Variants in TMTC2 observed in about 807,000 individuals in gnomAD.
The protein encoded by TMTC2 is transmembrane O-mannosyltransferase targeting cadherins 2.
Under a neutral mutation model 82.4 loss-of-function variants are expected in TMTC2, and 43 were observed. The observed-to-expected ratio is 0.52, with a 90% CI of 0.41 to 0.67. TMTC2 has a LOEUF of 0.67. TMTC2 is among the 30% of genes least tolerant of loss of function. TMTC2 has a pLI of 0.00. For missense variants in TMTC2, 919 were observed against 1,012.4 expected (o/e 0.91, Z 1.25); for synonymous variants, 408 against 381.9 (o/e 1.07, Z -0.80).
intron 1 of TMTC2, among the ~76,000 whole-genome samples, chr12:82,780,804 TTTTG>T (rs1020374984): frequency 2.1e-4 from 23 of 109,920 alleles, no homozygotes; most frequent in African/African-American, 7.5e-4. Flanking sequence ...ATGTAAGAAG[TTTTG>T]TTTTTTTTTT....
intron 11 of TMTC2, among the ~76,000 whole-genome samples, chr12:83,090,909 A>G (rs903762884): frequency 6.6e-6 from 1 of 152,226 alleles, no homozygotes; most frequent in Non-Finnish European, 1.5e-5. Context: ...GCCTTAACAT[A>G]CTGTGACTGT....
intron 2 of TMTC2, among the ~76,000 whole-genome samples, chr12:82,876,214 G>A (rs1478850343): frequency 6.7e-6 from 1 of 150,094 alleles, no homozygotes; most frequent in Non-Finnish European, 1.5e-5. Flanking sequence ...TTACCTTCCA[G>A]GTGGATATGA....
At chr12:83,071,152 T>G (rs201813258) in intron 11 of TMTC2, among the ~76,000 whole-genome samples, 2 of 105,068 alleles carry the variant, frequency 1.9e-5, no homozygotes, top group African/African-American at 4.0e-5. Flanking sequence ...TGTAGTTGTT[T>G]TTTTTTTTGT....
Position 82,857,095 on chromosome 12 carries a change from A to G in TMTC2, c.169A>G (p.Thr57Ala). 6.2e-7 allele frequency: 1 copy of G among 1,613,874 alleles called. No individual in the cohort carries two copies. The highest frequency in any genetic ancestry group is 8.5e-7 in the Non-Finnish European group (1 of 1,179,998). Residue 57 changes from threonine (T) to alanine (A), a missense_variant, in exon 2 of 12, where the codon ACC becomes GCC. Thr to Ala is a moderately conservative substitution (Grantham distance 58, BLOSUM62 0). Coordinates refer to ENST00000321196, the MANE Select transcript of TMTC2 (RefSeq NM_152588.3). The part of the protein sequence containing the change: ...FYNDFWGTLL[T>A]HSGSHKSYRP... ...CAATGATTTTTGGGGGACTCTTCTAACCCACAGTGGCAGCCACAAGTCCTA... is the reference window on the plus strand; with the variant it reads ...CAATGATTTTTGGGGGACTCTTCTAGCCCACAGTGGCAGCCACAAGTCCTA...
chr12:83,041,084 A>G (rs1881878193), intron 9 of TMTC2, among the ~76,000 whole-genome samples: 2 of 151,856 alleles, frequency 1.3e-5, no homozygotes, highest in African/African-American at 2.4e-5. Context: ...TTTTTTGTGT[A>G]TGGAAATAGA....
At chr12:82,786,333 A>C (rs536173079) in intron 1 of TMTC2, among the ~76,000 whole-genome samples, 1 of 152,068 alleles carries the variant, frequency 6.6e-6, no homozygotes, top group Non-Finnish European at 1.5e-5. Flanking sequence ...AGTTTAAATA[A>C]TGGTATAAGG....
At chr12:82,971,494 A>C (rs186194741) in intron 7 of TMTC2, among the ~76,000 whole-genome samples, 1 of 152,028 alleles carries the variant, frequency 6.6e-6, no homozygotes, top group Admixed American at 6.5e-5. Flanking sequence ...TCTCTACTTA[A>C]GCATTGCTTT....
chr12:82,841,835 C>T (rs1870353406), intron 1 of TMTC2, among the ~76,000 whole-genome samples: 1 of 152,144 alleles, frequency 6.6e-6, no homozygotes, highest in South Asian at 2.1e-4. Context: ...CTTTTCCACC[C>T]GTCACTGCAA....
At chr12:82,706,301 A>G (rs900807999) in intron 1 of TMTC2, among the ~76,000 whole-genome samples, 4 of 144,664 alleles carry the variant, frequency 2.8e-5, no homozygotes, top group Admixed American at 7.0e-5. Context: ...TGGACAACAG[A>G]CAACAAAGCA....
chr12:82,876,122 T>TGGTGGTGGTGATGGTGATGGTG (rs1872544085), intron 2 of TMTC2, among the ~76,000 whole-genome samples: 4 of 143,454 alleles, frequency 2.8e-5, no homozygotes, highest in Non-Finnish European at 6.1e-5. Context: ...GTGGTGGTGG[T>TGGTGGTGGTGATGGTGATGGTG]ATTAGTAATG....
chr12:83,063,665 G>C (rs1882819485), intron 11 of TMTC2, among the ~76,000 whole-genome samples: 1 of 151,900 alleles, frequency 6.6e-6, no homozygotes, highest in Non-Finnish European at 1.5e-5. Flanking sequence ...ATATCTTAGA[G>C]AGGAAAGGCA....
At chr12:83,069,964 G>GT (rs1296984162) in intron 11 of TMTC2, among the ~76,000 whole-genome samples, 1 of 151,882 alleles carries the variant, frequency 6.6e-6, no homozygotes, top group Non-Finnish European at 1.5e-5. Flanking sequence ...CCCACTTTAT[G>GT]TTTTTGTTTG....
chr12:83,047,877 T>G (rs1023538691), intron 9 of TMTC2, among the ~76,000 whole-genome samples: 1 of 152,246 alleles, frequency 6.6e-6, no homozygotes, highest in Non-Finnish European at 1.5e-5. Flanking sequence ...TTTTTGTTGT[T>G]GAACAGCAAA....
At chr12:82,911,380 G>A (rs1874649441) in intron 3 of TMTC2, among the ~76,000 whole-genome samples, 2 of 148,774 alleles carry the variant, frequency 1.3e-5, no homozygotes, top group Non-Finnish European at 3.0e-5. Context: ...CATTTAAAGG[G>A]ACCACTCTCT....
intron 4 of TMTC2, among the ~76,000 whole-genome samples, chr12:82,951,185 T>C (rs1877325458): frequency 6.6e-6 from 1 of 152,354 alleles, no homozygotes; most frequent in East Asian, 1.9e-4. Context: ...ACCTAGTTTA[T>C]GTGTGGCATG....
At chr12:83,074,293 G>T (rs1883214257) in intron 11 of TMTC2, among the ~76,000 whole-genome samples, 1 of 152,176 alleles carries the variant, frequency 6.6e-6, no homozygotes, top group Non-Finnish European at 1.5e-5. Context: ...TGCTGGTACT[G>T]GGGGTTGTCT....
At chr12:83,122,225 A>G (rs1199112422) in intron 11 of TMTC2, among the ~76,000 whole-genome samples, 1 of 151,632 alleles carries the variant, frequency 6.6e-6, no homozygotes, top group Non-Finnish European at 1.5e-5. Context: ...AGGGCTGAGA[A>G]CTTACCCCAT....
In TMTC2 at chr12:82,802,588, T is replaced by A. The variant is rs142917839; in HGVS notation, c.84-54422T>A. Among the ~76,000 whole-genome samples the A allele has an allele frequency of 1.7e-3, 260 of 152,318 alleles. 2 individuals carry two copies. The highest frequency in any genetic ancestry group is 6.0e-3 in the African/African-American group (248 of 41,590). Reference sequence around the variant, plus strand: ...ATAGAACTGATTTCTAATTCGATAATTCAAGAAAACTTTTTTAGTTTTCCT... The same window carrying A: ...ATAGAACTGATTTCTAATTCGATAAATCAAGAAAACTTTTTTAGTTTTCCT... On this transcript the variant is annotated intron_variant, in intron 1 of 11. Transcript: ENST00000321196.
intron 1 of TMTC2, among the ~76,000 whole-genome samples, chr12:82,746,256 T>G (rs971050502): frequency 1.3e-5 from 2 of 152,220 alleles, no homozygotes; most frequent in African/African-American, 4.8e-5. Flanking sequence ...CATTTTTGTA[T>G]TGAGACAACT....
Sources: allele counts gnomAD v4.1 joint callset (sites outside exome capture counted in the v4.1 genomes callset), GRCh38; gene constraint gnomAD v4.1.1; transcripts MANE v1.5; gene names NCBI Gene and HGNC (gene_info 2026-07-23, HGNC 2026-07-21).